Variants in GPR37 observed in about 807,000 individuals in gnomAD.
GPR37 encodes the protein G protein-coupled receptor 37.
A neutral mutation model predicts 43.6 loss-of-function variants in GPR37; 20 were observed. The observed-to-expected ratio is 0.46, with a 90% confidence interval of 0.32 to 0.67. The LOEUF is 0.67. Ranked by LOEUF, GPR37 falls within the 30% of genes least tolerant of loss-of-function variation. GPR37 has a pLI of 0.03. For missense variants in GPR37, 724 were observed against 797.2 expected (o/e 0.91, Z 1.11); for synonymous variants, 315 against 322.6 (o/e 0.98, Z 0.25).
Position 124,746,842 on chromosome 7 carries a change from T to C in GPR37, c.1525A>G (p.Asn509Asp), listed in dbSNP as rs748050700. Residue 509 changes from asparagine to aspartate, a missense_variant, in exon 2 of 2, where the codon AAT becomes GAT. Transcript: ENST00000303921. ...TAGGCAGTAACAATGTTGCAGATAT[T>C]TTCAGGAATAATGCAAAATCCATAT... ...ILYGFCIIPE[N>D]ICNIVTAYMA... 1 of 1,614,056 alleles carries C rather than the reference T, an allele frequency of 6.2e-7. No homozygotes were observed. The highest frequency in any genetic ancestry group is 8.5e-7 in the Non-Finnish European group (1 of 1,179,956).
rs1360064774 is a variant in GPR37 at position 124,747,278 on chromosome 7, G to A, written c.1089C>T (p.Ala363=). The A allele has an allele frequency of 1.2e-6, 2 of 1,613,704 alleles. No homozygotes were observed. The highest frequency in any genetic ancestry group is 1.7e-6 in the Non-Finnish European group (2 of 1,179,852). The change falls in exon 2 of 2, where the codon GCC becomes GCT. Residue 363 remains alanine (A), a synonymous_variant. Transcript: ENST00000303921. The part of the protein sequence containing the change: ...CALCIDRFRA[A]TNVQMYYEMI... ...TTTCGTAGTACATCTGTACGTTGGT[G>A]GCAGCACGGAAGCGGTCTATGCACA...
chr7:124,763,039 T>C (rs1438809273), intron 1 of GPR37, among the ~76,000 whole-genome samples: 1 of 152,198 alleles, frequency 6.6e-6, no homozygotes, highest in Non-Finnish European at 1.5e-5. Context: ...AAAGTCCACC[T>C]ACCACAATAG....
rs2116330038 is a variant in GPR37 at position 124,764,245 on chromosome 7, A to G, written c.732T>C (p.Arg244=). The G allele has an allele frequency of 3.8e-6, 6 of 1,597,640 alleles. No individual in the cohort carries two copies. Among genetic ancestry groups the G allele is most frequent in the Non-Finnish European group, 5.1e-6 (6 of 1,172,110 alleles). ...GPRRGNSTNR[R]VRLKNPFYPL... is the part of the protein sequence containing the mutation. ...GGTAGAAGGGGTTCTTCAGTCTCAC[A>G]CGCCGGTTCGTGCTGTTTCCCCGGC... is the stretch of plus-strand genomic sequence containing the variant. The change falls in exon 1 of 2, where the codon CGT becomes CGC. Residue 244 remains arginine, a synonymous_variant. Coordinates refer to ENST00000303921, the MANE Select transcript of GPR37 (RefSeq NM_005302.5). The surrounding 1 kb of genome is among the most constrained non-coding windows in gnomAD (Gnocchi z 5.4).
At position 124,764,129 on chromosome 7, in the gene GPR37, A is replaced by G. The variant is rs545002199; in HGVS notation, c.848T>C (p.Met283Thr). 111 of 1,611,154 alleles carry G rather than the reference A, an allele frequency of 6.9e-5. No homozygotes were observed. Among genetic ancestry groups the G allele is most frequent in the Non-Finnish European group, 9.1e-5 (107 of 1,178,320 alleles). The change falls in exon 1 of 2, where the codon ATG (methionine) becomes ACG (threonine). Residue 283 changes from methionine to threonine, a missense_variant. Physicochemically the swap from Met to Thr is moderately conservative, Grantham distance 81. Transcript: ENST00000303921. The surrounding 1 kb of genome is among the most constrained non-coding windows in gnomAD (Gnocchi z 5.4). Reference sequence around the variant, plus strand: ...GTAGTAGTTGTGGCACACGATGCACATCACCGCCAGGTTGCCAATGATGCC... The same window carrying G: ...GTAGTAGTTGTGGCACACGATGCACGTCACCGCCAGGTTGCCAATGATGCC... Reference protein sequence around the residue: ...GTGIIGNLAVMCIVCHNYYMR... With the variant: ...GTGIIGNLAVTCIVCHNYYMR...
At chr7:124,757,955 A>T (rs187895944) in intron 1 of GPR37, among the ~76,000 whole-genome samples, 3 of 152,326 alleles carry the variant, frequency 2.0e-5, no homozygotes, top group East Asian at 3.9e-4. Context: ...AAATTATTCA[A>T]ATTGTTCTTT....
intron 1 of GPR37, 146 bp downstream of exon 1, chr7:124,763,808 A>T: frequency 2.7e-6 from 2 of 736,204 alleles, no homozygotes; most frequent in Non-Finnish European, 4.6e-6. Context: ...ATACATGCAT[A>T]AATGATTGGA....
At chr7:124,749,749 T>C (rs917041264) in intron 1 of GPR37, among the ~76,000 whole-genome samples, 1 of 151,874 alleles carries the variant, frequency 6.6e-6, no homozygotes, top group Non-Finnish European at 1.5e-5. Flanking sequence ...GTGTTAACTA[T>C]ATTAAAAGCA....
rs60967099 is a variant in GPR37, at chr7:124,761,154, C to CAAAAAAA, written c.1023+2793_1023+2799dup. On this transcript the variant is annotated intron_variant, in intron 1 of 1. Transcript: ENST00000303921. Reference sequence around the variant, plus strand: ...CTGGTGACAGAGCAAGACTCCGTCTCAAAAAAAAAAAAAAAAAAAAAGCTA... The same window carrying CAAAAAAA: ...CTGGTGACAGAGCAAGACTCCGTCTCAAAAAAAAAAAAAAAAAAAAAAAAAAAAGCTA... Among the ~76,000 whole-genome samples, 57 of 77,458 alleles carry CAAAAAAA rather than the reference C, an allele frequency of 7.4e-4. 1 individual carries two copies. The highest frequency in any genetic ancestry group is 2.8e-3 in the African/African-American group (52 of 18,730). 50.8% of individuals were successfully genotyped at this position (77,458 alleles called of 152,430 possible).
At chr7:124,751,663 A>G (rs1023882076) in intron 1 of GPR37, among the ~76,000 whole-genome samples, 2 of 152,178 alleles carry the variant, frequency 1.3e-5, no homozygotes, top group Non-Finnish European at 2.9e-5. Context: ...AATTATGTGC[A>G]ATTATAAAAC....
At chr7:124,756,154 C>G (rs544875284) in intron 1 of GPR37, among the ~76,000 whole-genome samples, 1 of 151,764 alleles carries the variant, frequency 6.6e-6, no homozygotes, top group Non-Finnish European at 1.5e-5. Flanking sequence ...GATGCTTTTC[C>G]GATATAAAAA....
Position 124,746,653 on chromosome 7 carries a change from T to C in GPR37, c.1714A>G (p.Ile572Val). 1 of 1,613,930 alleles carries C rather than the reference T, an allele frequency of 6.2e-7. No homozygotes were observed. Among genetic ancestry groups the C allele is most frequent in the Non-Finnish European group, 8.5e-7 (1 of 1,179,866 alleles). ...ECCCCCCEECIQKSSTVTSDD... is the reference protein window; with the variant it reads ...ECCCCCCEECVQKSSTVTSDD... Reference sequence around the variant, plus strand: ...CTGGTCACCGTTGAAGACTTCTGAATGCATTCCTCACAGCAACAGCAGCAG... The same window carrying C: ...CTGGTCACCGTTGAAGACTTCTGAACGCATTCCTCACAGCAACAGCAGCAG... Residue 572 changes from isoleucine to valine, a missense_variant, in exon 2 of 2, where the codon ATT becomes GTT. Ile to Val is a conservative substitution (Grantham distance 29). This residue lies in a region of GPR37 where 342 missense variants were observed against 441.8 expected (regional missense o/e 0.77). Transcript: ENST00000303921.
intron 1 of GPR37, among the ~76,000 whole-genome samples, chr7:124,752,863 G>A (rs1027924573): frequency 2.0e-5 from 3 of 151,966 alleles, no homozygotes; most frequent in African/African-American, 7.3e-5. Flanking sequence ...TTAAATCCGT[G>A]GGATACAAGG....
rs977973472 is a variant in GPR37, at chr7:124,744,368, T to C, written c.*2157A>G. ...ATCTTTCAAAACATGGTCCTATTATTAGATGGCCTTGGTGCATATTTTCTT... is the reference window on the plus strand; with the variant it reads ...ATCTTTCAAAACATGGTCCTATTATCAGATGGCCTTGGTGCATATTTTCTT... On this transcript the variant is annotated 3_prime_UTR_variant, in exon 2 of 2. Transcript: ENST00000303921. 6.6e-6 allele frequency: 1 copy of C among 152,158 alleles called. No homozygotes were observed. Among genetic ancestry groups the C allele is most frequent in the African/African-American group, 2.4e-5 (1 of 41,450 alleles). The allele number at this position is 152,158 out of a possible 1,614,324, so 9.4% of individuals were successfully genotyped here.
At chr7:124,759,917 C>T (rs1203394863) in intron 1 of GPR37, among the ~76,000 whole-genome samples, 1 of 152,128 alleles carries the variant, frequency 6.6e-6, no homozygotes, top group Admixed American at 6.5e-5. Context: ...TCTACACAAA[C>T]CCAAATCTTC....
At chr7:124,751,848 T>G (rs1793738596) in intron 1 of GPR37, among the ~76,000 whole-genome samples, 1 of 152,112 alleles carries the variant, frequency 6.6e-6, no homozygotes, top group African/African-American at 2.4e-5. Flanking sequence ...TCTTATTAAT[T>G]AAACTGCAAT....
At position 124,747,357 on chromosome 7, in the gene GPR37, T is replaced by A; in HGVS notation, c.1024-14A>T. The A allele has an allele frequency of 6.5e-7, 1 of 1,548,844 alleles. No individual in the cohort carries two copies. Among genetic ancestry groups the A allele is most frequent in the Non-Finnish European group, 8.8e-7 (1 of 1,132,556 alleles). On this transcript the variant is annotated splice_polypyrimidine_tract_variant and intron_variant, in intron 1 of 1. Transcript: ENST00000303921. ...CAGAGAAGCGACCTGTGGGGGAACA[T>A]AGAAGACATTTATTCCCGGTGTCCC... is the stretch of plus-strand genomic sequence containing the variant.
intron 1 of GPR37, among the ~76,000 whole-genome samples, chr7:124,763,235 TAAAC>T (rs1230845637): frequency 1.3e-5 from 2 of 152,332 alleles, no homozygotes; most frequent in South Asian, 2.1e-4. Context: ...TTGAGAATGT[TAAAC>T]AAATTATGTG....
intron 1 of GPR37, among the ~76,000 whole-genome samples, chr7:124,754,114 T>C (rs1793765285): frequency 2.0e-5 from 3 of 152,102 alleles, no homozygotes; most frequent in Non-Finnish European, 4.4e-5. Flanking sequence ...AAATACTTAA[T>C]AAAAGGTAAA....
rs757684396 is a variant in GPR37 at position 124,746,808 on chromosome 7, G to A, written c.1559C>T (p.Thr520Ile). The A allele has an allele frequency of 1.2e-6, 2 of 1,613,922 alleles. No homozygotes were observed. The highest frequency in any genetic ancestry group is 1.7e-6 in the Non-Finnish European group (2 of 1,179,962). Residue 520 changes from threonine to isoleucine, a missense_variant, in exon 2 of 2, where the codon ACA (threonine) becomes ATA (isoleucine). Thr to Ile is a moderately conservative substitution (Grantham distance 89). Transcript: ENST00000303921. ...ICNIVTAYMA[T>I]GVSQQTMDLL... ...GTCCATTGTCTGCTGTGAAACCCCT[G>A]TAGCCATGTAGGCAGTAACAATGTT...
Sources: allele counts gnomAD v4.1 joint callset (sites outside exome capture counted in the v4.1 genomes callset), GRCh38; gene constraint gnomAD v4.1.1; regional missense constraint gnomAD v4.1.1; non-coding constraint Gnocchi (gnomAD v3.1); transcripts MANE v1.5; gene names NCBI Gene and HGNC (gene_info 2026-07-23, HGNC 2026-07-21).